Variants in ASB14 observed in about 807,000 individuals in gnomAD.
ASB14 encodes the protein ankyrin repeat and SOCS box containing 14, also known as ankyrin repeat and SOCS box protein 14.
A neutral mutation model predicts 55.6 loss-of-function variants in ASB14; 63 were observed. That is an observed-to-expected ratio of 1.13 (90% CI 0.92 to 1.40). The LOEUF (loss-of-function observed/expected upper bound fraction) is 1.40, where lower values mean the gene tolerates loss of function less well. Among genes scored for constraint, ASB14 ranks in the 40% most tolerant of loss-of-function variants. ASB14 has a pLI of 0.00. For synonymous variants in ASB14, 256 were observed against 259.9 expected, an observed-to-expected ratio of 0.98 and a Z score of 0.15; for missense variants, 724 against 710.4, an observed-to-expected ratio of 1.02 and a Z score of -0.22.
intron 3 of ASB14, among the ~76,000 whole-genome samples, chr3:57,288,535 A>G (rs2061100066): frequency 6.6e-6 from 1 of 152,090 alleles, no homozygotes; most frequent in African/African-American, 2.4e-5. Context: ...GGAACCCAGG[A>G]GCTCTTTGCT....
chr3:57,269,536 A>G lies in ASB14; in HGVS notation c.*105T>C. Reference sequence around the variant, plus strand: ...ACTTAGTTTCTTTTTTGTCTTTTCCACTAGGACTTGGAAGAACAAAGTCGG... The same window carrying G: ...ACTTAGTTTCTTTTTTGTCTTTTCCGCTAGGACTTGGAAGAACAAAGTCGG... On this transcript the variant is annotated 3_prime_UTR_variant, in exon 11 of 11. Coordinates refer to ENST00000487349, the MANE Select transcript of ASB14 (RefSeq NM_001142733.3). The G allele has an allele frequency of 5.0e-6, 8 of 1,612,242 alleles. No individual in the cohort carries two copies. The highest frequency in any genetic ancestry group is 1.7e-4 in the Middle Eastern group (1 of 6,052).
At chr3:57,283,936 G>GA (rs1385867512) in intron 5 of ASB14, among the ~76,000 whole-genome samples, 3 of 152,068 alleles carry the variant, frequency 2.0e-5, no homozygotes, top group South Asian at 4.2e-4. Flanking sequence ...TGAGGCCATA[G>GA]AAAATGATAG....
chr3:57,268,574 G>A lies in ASB14; in HGVS notation c.*1067C>T. 1 of 1,432,954 alleles carries A rather than the reference G, an allele frequency of 7.0e-7. No homozygotes were observed. Among genetic ancestry groups the A allele is most frequent in the South Asian group, 1.7e-5 (1 of 58,936 alleles). 88.8% of individuals were successfully genotyped at this position (1,432,954 alleles called of 1,614,324 possible). On this transcript the variant is annotated 3_prime_UTR_variant, in exon 11 of 11. Transcript: ENST00000487349. ...GACTTTCAGATTTGAATTTCCAAATGAAGGGCTGTTTCTGCTTGTTCAGCC... is the reference window on the plus strand; with the variant it reads ...GACTTTCAGATTTGAATTTCCAAATAAAGGGCTGTTTCTGCTTGTTCAGCC...
intron 5 of ASB14, among the ~76,000 whole-genome samples, chr3:57,285,079 T>TA: frequency 6.6e-6 from 1 of 152,018 alleles, no homozygotes; most frequent in Non-Finnish European, 1.5e-5. Context: ...TAGCTGGGAT[T>TA]ACAGGTGCCT....
chr3:57,288,176 T>C lies in ASB14; in HGVS notation c.289A>G (p.Ile97Val). 1.3e-6 allele frequency: 2 copies of C among 1,537,048 alleles called. No homozygotes were observed. Among genetic ancestry groups the C allele is most frequent in the East Asian group, 4.9e-5 (2 of 40,928 alleles). Residue 97 changes from isoleucine (I) to valine (V), a missense_variant, in exon 4 of 11, where the codon ATT becomes GTT. Physicochemically the swap from Ile to Val is conservative, Grantham distance 29. Coordinates refer to ENST00000487349, the MANE Select transcript of ASB14 (RefSeq NM_001142733.3). Reference protein sequence around the residue: ...HKAAVQLNRKILEITLSASDP... With the variant: ...HKAAVQLNRKVLEITLSASDP... Reference sequence around the variant, plus strand: ...TTACCGCTTAGGGTTATTTCCAAAATTTTCCTATTTAATTGCACTGCAGCC... The same window carrying C: ...TTACCGCTTAGGGTTATTTCCAAAACTTTCCTATTTAATTGCACTGCAGCC...
intron 5 of ASB14, among the ~76,000 whole-genome samples, chr3:57,286,241 A>G (rs985090995): frequency 8.1e-5 from 12 of 148,962 alleles, no homozygotes; most frequent in Admixed American, 6.7e-5. Flanking sequence ...ACTTCTTTCC[A>G]CAGTGACTTG....
intron 6 of ASB14, 68 bp from the exon 7 acceptor site, chr3:57,280,541 A>C (rs2061031611): frequency 7.1e-7 from 1 of 1,403,182 alleles, no homozygotes; most frequent in East Asian, 2.5e-5. Context: ...CAATCTTAAA[A>C]ATATATCCCC....
intron 10 of ASB14, chr3:57,270,703 A>T (rs2060931488): frequency 6.6e-6 from 1 of 152,590 alleles, no homozygotes; most frequent in Non-Finnish European, 1.5e-5. Flanking sequence ...CCATGTTTTG[A>T]TAAAGTACTG....
At chr3:57,277,654 T>C (rs904715267) in intron 9 of ASB14, 113 bp downstream of exon 9, 2 of 917,956 alleles carry the variant, frequency 2.2e-6, no homozygotes, top group Admixed American at 5.3e-5. Flanking sequence ...AGTATTTTTC[T>C]GGTTTAAGTC....
intron 7 of ASB14, among the ~76,000 whole-genome samples, chr3:57,279,229 C>CA (rs1484046684): frequency 6.7e-6 from 1 of 148,498 alleles, no homozygotes; most frequent in Non-Finnish European, 1.5e-5. Flanking sequence ...GTTAAACAGC[C>CA]ATTTCTAGTT....
At chr3:57,282,314 T>G (rs1286546580) in intron 6 of ASB14, among the ~76,000 whole-genome samples, 1 of 152,214 alleles carries the variant, frequency 6.6e-6, no homozygotes, top group Non-Finnish European at 1.5e-5. Flanking sequence ...AAATAATACT[T>G]CTAGACAGGG....
chr3:57,281,113 G>C (rs536326557), intron 6 of ASB14, among the ~76,000 whole-genome samples: 1 of 152,222 alleles, frequency 6.6e-6, no homozygotes, highest in South Asian at 2.1e-4. Flanking sequence ...ATACTTACAA[G>C]TCCCAAATCC....
Position 57,291,180 on chromosome 3 carries a change from G to A in ASB14, c.122+732C>T, listed in dbSNP as rs146286729. Among the ~76,000 whole-genome samples the A allele has an allele frequency of 4.3e-4, 65 of 152,288 alleles. 1 individual carries two copies. In the East Asian group the frequency reaches 0.012, roughly 27 times the overall value. Reference sequence around the variant, plus strand: ...TTTAAAAATACTATATAGGTTTGATGTACTTCATTGTCTCTATTTAGTTAT... The same window carrying A: ...TTTAAAAATACTATATAGGTTTGATATACTTCATTGTCTCTATTTAGTTAT... On this transcript the variant is annotated intron_variant, in intron 2 of 10. Transcript: ENST00000487349.
chr3:57,278,975 CTTG>C (rs755554919), intron 7 of ASB14, 55 bp from the exon 8 acceptor site: 12 of 1,540,670 alleles, frequency 7.8e-6, no homozygotes, highest in East Asian at 2.3e-5. Context: ...GTAGCACTAA[CTTG>C]TTTATTATTG....
chr3:57,284,873 A>G (rs1481405704), intron 5 of ASB14, among the ~76,000 whole-genome samples: 3 of 151,802 alleles, frequency 2.0e-5, no homozygotes, highest in Non-Finnish European at 2.9e-5. Context: ...CTTGGGACAA[A>G]CCATGAAGGG....
At chr3:57,274,222 C>CCAAGACTAAACATGTAAACAT in intron 10 of ASB14, among the ~76,000 whole-genome samples, 1 of 152,116 alleles carries the variant, frequency 6.6e-6, no homozygotes, top group African/African-American at 2.4e-5. Flanking sequence ...TTAAAAAGTA[C>CCAAGACTAAACATGTAAACAT]CAAGACTAAA....
chr3:57,292,161 G>T, intron 1 of ASB14, 57 bp from the exon 2 acceptor site: 1 of 1,086,822 alleles, frequency 9.2e-7, no homozygotes, highest in South Asian at 2.8e-5. Context: ...GATTAACAAT[G>T]AAAAATATAC....
intron 10 of ASB14, among the ~76,000 whole-genome samples, chr3:57,276,323 T>G (rs2060986318): frequency 6.6e-6 from 1 of 151,722 alleles, no homozygotes; most frequent in South Asian, 2.1e-4. Flanking sequence ...CTTGCTCCGG[T>G]CACCTAGGCT....
rs1193957913 is a variant in ASB14 at position 57,291,994 on chromosome 3, A to G, written c.40T>C (p.Phe14Leu). ...TGTTGAATGATGAGCTGGGTGTCAAAGTCTTCATCTATGTCTTCATCGCTG... is the reference window on the plus strand; with the variant it reads ...TGTTGAATGATGAGCTGGGTGTCAAGGTCTTCATCTATGTCTTCATCGCTG... ...YTSDEDIDED[F>L]DTQLIIQQSL... Residue 14 changes from phenylalanine to leucine, a missense_variant, in exon 2 of 11, where the codon TTT becomes CTT. Phe to Leu is a conservative substitution (Grantham distance 22). Coordinates refer to ENST00000487349, the MANE Select transcript of ASB14 (RefSeq NM_001142733.3). The G allele has an allele frequency of 6.5e-7, 1 of 1,534,796 alleles. No individual in the cohort carries two copies. The highest frequency in any genetic ancestry group is 8.7e-7 in the Non-Finnish European group (1 of 1,144,750).
Sources: gnomAD v4.1 joint callset for allele counts (sites outside exome capture counted in the v4.1 genomes callset) on GRCh38, gnomAD v4.1.1 for gene constraint, MANE v1.5 for transcripts, NCBI Gene and HGNC (gene_info 2026-07-23, HGNC 2026-07-21) for gene names.